ESPNL: variants seen among roughly 807,000 people sequenced by gnomAD.
The protein encoded by ESPNL is espin-like protein.
Under a neutral mutation model 46.8 loss-of-function variants are expected in ESPNL, and 49 were observed. That is an observed-to-expected ratio of 1.05 (90% CI 0.83 to 1.33). The LOEUF (loss-of-function observed/expected upper bound fraction) is 1.33. ESPNL is among the 40% of genes most tolerant of loss of function. The pLI, the probability that ESPNL is intolerant of heterozygous loss-of-function variation, is 0.00. For missense variants in ESPNL, 1,540 were observed against 1,436.6 expected (o/e 1.07, Z -1.16); for synonymous variants, 664 against 662.1 (o/e 1.00, Z -0.04).
chr2:238,116,226 C>T (rs1248075572), intron 4 of ESPNL, among the ~76,000 whole-genome samples: 1 of 152,230 alleles, frequency 6.6e-6, no homozygotes. Flanking sequence ...GCCAAGATGT[C>T]CTCTAGCCTT....
Position 238,100,590 on chromosome 2 carries a change from G to T in ESPNL, c.171G>T (p.Gln57His). Residue 57 changes from glutamine (Q) to histidine (H), a missense_variant, in exon 1 of 9, where the codon CAG becomes CAT. Gln to His is a conservative substitution (Grantham distance 24). Coordinates refer to ENST00000343063, the MANE Select transcript of ESPNL (RefSeq NM_194312.4). The part of the protein sequence containing the change: ...GHLDCVKFLV[Q>H]RAQLPGNQRA... The stretch of plus-strand genomic sequence containing the variant: ...TGGACTGCGTCAAGTTCTTGGTGCA[G>T]CGGGCCCAGCTGCCCGGCAACCAGC... 6.5e-7 allele frequency: 1 copy of T among 1,543,626 alleles called. No individual in the cohort carries two copies. Among genetic ancestry groups the T allele is most frequent in the East Asian group, 2.4e-5 (1 of 42,184 alleles).
rs762976437 is a variant in ESPNL at position 238,100,474 on chromosome 2, G to A, written c.55G>A (p.Glu19Lys). Reference sequence around the variant, plus strand: ...CAAGGATGGGGATGTGGCGACGTTGGAGCGGCTGCTGGAGGCTGGCGCCCT... The same window carrying A: ...CAAGGATGGGGATGTGGCGACGTTGAAGCGGCTGCTGGAGGCTGGCGCCCT... ...AAKDGDVATL[E>K]RLLEAGALGP... The change falls in exon 1 of 9, where the codon GAG becomes AAG. Residue 19 changes from glutamate (E) to lysine (K), a missense_variant. Physicochemically the swap from Glu to Lys is moderately conservative, Grantham distance 56. Coordinates refer to ENST00000343063, the MANE Select transcript of ESPNL (RefSeq NM_194312.4). The A allele has an allele frequency of 7.5e-6, 12 of 1,604,214 alleles. No homozygotes were observed. The highest frequency in any genetic ancestry group is 1.0e-5 in the Non-Finnish European group (12 of 1,177,612).
rs538731147 is a variant in ESPNL at position 238,100,486 on chromosome 2, G to C, written c.67G>C (p.Glu23Gln). ...GDVATLERLL[E>Q]AGALGPGITD... Reference sequence around the variant, plus strand: ...TGTGGCGACGTTGGAGCGGCTGCTGGAGGCTGGCGCCCTGGGCCCGGGCAT... The same window carrying C: ...TGTGGCGACGTTGGAGCGGCTGCTGCAGGCTGGCGCCCTGGGCCCGGGCAT... The change falls in exon 1 of 9, where the codon GAG becomes CAG. Residue 23 changes from glutamate (E) to glutamine (Q), a missense_variant. Glu to Gln is a conservative substitution (Grantham distance 29). Transcript: ENST00000343063. 1 of 1,601,226 alleles carries C rather than the reference G, an allele frequency of 6.2e-7. No individual in the cohort carries two copies. The highest frequency in any genetic ancestry group is 1.3e-5 in the African/African-American group (1 of 74,852).
intron 1 of ESPNL, among the ~76,000 whole-genome samples, 200 bp downstream of exon 1, chr2:238,100,913 T>A (rs1000456137): frequency 7.2e-5 from 11 of 152,062 alleles, no homozygotes; most frequent in African/African-American, 2.4e-4. Flanking sequence ...CAAGAACACC[T>A]CCTAAATTTT....
intron 8 of ESPNL, chr2:238,129,160 G>A (rs554083292): frequency 2.1e-6 from 3 of 1,396,830 alleles, no homozygotes; most frequent in Non-Finnish European, 2.8e-6. Flanking sequence ...GCACATGCCT[G>A]CCTGTGCCAA....
chr2:238,104,744 A>C lies in ESPNL; in HGVS notation c.574A>C (p.Lys192Gln), dbSNP rs1423204082. The C allele has an allele frequency of 6.2e-7, 1 of 1,608,174 alleles. No individual in the cohort carries two copies. Among genetic ancestry groups the C allele is most frequent in the East Asian group, 2.2e-5 (1 of 44,642 alleles). ...CCTGCACCTGGCCCAGTTCCTGGTG[A>C]AGGACTGTGGCGCTGACGTGCACCT... Reference protein sequence around the residue: ...GHLHLAQFLVKDCGADVHLRA... With the variant: ...GHLHLAQFLVQDCGADVHLRA... Residue 192 changes from lysine to glutamine, a missense_variant, in exon 3 of 9, where the codon AAG becomes CAG. Coordinates refer to ENST00000343063, the MANE Select transcript of ESPNL (RefSeq NM_194312.4).
chr2:238,126,418 TTG>T (rs1006453200), intron 6 of ESPNL, among the ~76,000 whole-genome samples: 8 of 149,578 alleles, frequency 5.3e-5, no homozygotes, highest in African/African-American at 1.5e-4. Flanking sequence ...GTATGTGTGT[TTG>T]TGTTTGTGTG....
chr2:238,120,694 C>G (rs1426667494), intron 5 of ESPNL, among the ~76,000 whole-genome samples: 1 of 152,252 alleles, frequency 6.6e-6, no homozygotes, highest in Admixed American at 6.5e-5. Context: ...CTGTCTCCGT[C>G]TTCTCCCTCT....
chr2:238,128,794 C>T lies in ESPNL; in HGVS notation c.1303C>T (p.Leu435=). 1 of 1,569,128 alleles carries T rather than the reference C, an allele frequency of 6.4e-7. No individual in the cohort carries two copies. The highest frequency in any genetic ancestry group is 8.6e-7 in the Non-Finnish European group (1 of 1,158,188). Residue 435 remains leucine, a synonymous_variant, in exon 8 of 9, where the codon CTG becomes TTG. Coordinates refer to ENST00000343063, the MANE Select transcript of ESPNL (RefSeq NM_194312.4). The part of the protein sequence containing the change: ...DGLPSGDIDG[L]VPTRDERGQP... ...GCTGCCCTCAGGCGACATCGACGGG[C>T]TGGTGCCCACGCGGGATGAGCGCGG...
intron 7 of ESPNL, 120 bp downstream of exon 7, chr2:238,127,854 C>G: frequency 1.4e-6 from 1 of 725,064 alleles, no homozygotes; most frequent in Non-Finnish European, 2.3e-6. Flanking sequence ...GGGTGGATGC[C>G]AGGCTGCCTG....
intron 5 of ESPNL, 144 bp downstream of exon 5, chr2:238,117,178 G>C: frequency 1.7e-6 from 2 of 1,211,724 alleles, no homozygotes; most frequent in South Asian, 3.1e-5. Flanking sequence ...CCAGGAGCAA[G>C]GGCCTGGGCA....
chr2:238,124,103 G>C (rs752268348), intron 5 of ESPNL, among the ~76,000 whole-genome samples: 1 of 152,236 alleles, frequency 6.6e-6, no homozygotes, highest in Non-Finnish European at 1.5e-5. Context: ...CCGTGCATTC[G>C]AGCAAGCTGC....
chr2:238,126,219 T>G (rs1312378263), intron 6 of ESPNL, among the ~76,000 whole-genome samples: 1 of 45,588 alleles, frequency 2.2e-5, no homozygotes, highest in Non-Finnish European at 4.9e-5. Flanking sequence ...TCTGTGATTG[T>G]GTCTGTGTCT....
At chr2:238,112,603 C>T (rs528548476) in intron 4 of ESPNL, among the ~76,000 whole-genome samples, 248 of 152,274 alleles carry the variant, frequency 1.6e-3, no homozygotes, top group Non-Finnish European at 3.0e-3. Context: ...TACTTTTCAA[C>T]CTTTTTTCTT....
At chr2:238,124,644 T>C (rs1692059629) in intron 5 of ESPNL, among the ~76,000 whole-genome samples, 1 of 145,640 alleles carries the variant, frequency 6.9e-6, no homozygotes, top group African/African-American at 2.6e-5. Flanking sequence ...CAGGAGAGTG[T>C]ACGTGCATGT....
intron 8 of ESPNL, 182 bp downstream of exon 8, chr2:238,129,086 C>CAG: frequency 7.0e-7 from 1 of 1,425,964 alleles, no homozygotes; most frequent in Non-Finnish European, 9.1e-7. Context: ...GGACTCTGAG[C>CAG]AGAGCCCCTT....
chr2:238,118,862 A>G (rs1691899602), intron 5 of ESPNL, among the ~76,000 whole-genome samples: 1 of 104,786 alleles, frequency 9.5e-6, no homozygotes, highest in African/African-American at 4.1e-5. Flanking sequence ...TGGATGGAAG[A>G]GGACGGATGG....
At chr2:238,103,767 G>A (rs1001519997) in intron 2 of ESPNL, among the ~76,000 whole-genome samples, 4 of 152,260 alleles carry the variant, frequency 2.6e-5, no homozygotes, top group African/African-American at 9.6e-5. Context: ...CATTCCATGA[G>A]GGAGTGGACC....
chr2:238,106,074 G>A (rs62196019), intron 3 of ESPNL, among the ~76,000 whole-genome samples: 19,715 of 152,244 alleles, frequency 0.13, 1,515 homozygotes, highest in South Asian at 0.28. Flanking sequence ...CCCCACCGGC[G>A]CACCAGCACC....
Sources: allele counts gnomAD v4.1 joint callset (sites outside exome capture counted in the v4.1 genomes callset), GRCh38; gene constraint gnomAD v4.1.1; transcripts MANE v1.5; gene names NCBI Gene and HGNC (gene_info 2026-07-23, HGNC 2026-07-21).